The following DACH2 variants were observed in gnomAD, a reference collection of about 807,000 sequenced individuals.
DACH2 encodes the protein dachshund homolog 2.
DACH2 carries 17 observed loss-of-function variants against 35.8 expected under a neutral mutation model. The observed-to-expected ratio is 0.48, with a 90% CI of 0.33 to 0.71. The LOEUF (loss-of-function observed/expected upper bound fraction) is 0.71, where lower values mean the gene tolerates loss of function less well. DACH2 is among the 30% of genes least tolerant of loss of function. The probability of loss-of-function intolerance (pLI) is 0.02; values close to 1 mark genes in which losing one functional copy is unlikely to be tolerated. For missense variants in DACH2, 469 were observed against 472.7 expected (o/e 0.99, Z 0.07); for synonymous variants, 195 against 177.3 (o/e 1.10, Z -0.79).
chrX:86,599,491 T>TTTCTTTCTTTCG (rs1197174994), intron 3 of DACH2, among the ~76,000 whole-genome samples: 37 of 96,485 alleles, frequency 3.8e-4, no homozygotes, highest in African/African-American at 1.3e-3. Flanking sequence ...TCTTTCTTTC[T>TTTCTTTCTTTCG]TTCTTTCTTT....
intron 7 of DACH2, among the ~76,000 whole-genome samples, chrX:86,791,901 G>GCCCC (rs2042190379): frequency 9.0e-6 from 1 of 111,591 alleles, no homozygotes; most frequent in Non-Finnish European, 1.9e-5. Context: ...TTGTGTTATG[G>GCCCC]GGGTTTGTTT....
At chrX:86,706,103 T>C (rs991352988) in intron 5 of DACH2, among the ~76,000 whole-genome samples, 1 of 110,117 alleles carries the variant, frequency 9.1e-6, no homozygotes, top group Non-Finnish European at 1.9e-5. Context: ...GGGAGGAGTG[T>C]GGCGGGGTGG....
chrX:86,401,732 A>C (rs1602481219), intron 2 of DACH2, among the ~76,000 whole-genome samples: 1 of 110,719 alleles, frequency 9.0e-6, no homozygotes, highest in South Asian at 3.8e-4. Context: ...AAAAAAAGAA[A>C]AAAAAAAAAC....
intron 4 of DACH2, among the ~76,000 whole-genome samples, chrX:86,675,514 G>A (rs754767492): frequency 9.0e-5 from 10 of 110,761 alleles, no homozygotes; most frequent in South Asian, 4.0e-4. Flanking sequence ...GCAAGAGATC[G>A]TCCCTAGAAA....
At chrX:86,194,925 T>G (rs1339106867) in intron 1 of DACH2, among the ~76,000 whole-genome samples, 1 of 112,512 alleles carries the variant, frequency 8.9e-6, no homozygotes, top group Non-Finnish European at 1.9e-5. Flanking sequence ...CGGGGCCCCA[T>G]CCTGGCCGTG....
intron 1 of DACH2, among the ~76,000 whole-genome samples, chrX:86,196,642 G>A (rs866548303): frequency 6.2e-5 from 5 of 81,224 alleles, no homozygotes; most frequent in African/African-American, 2.5e-4. Flanking sequence ...GCAGTGAGCC[G>A]AGATCACACC....
chrX:86,393,288 C>T (rs1224803404), intron 2 of DACH2, among the ~76,000 whole-genome samples: 1 of 111,378 alleles, frequency 9.0e-6, no homozygotes, highest in African/African-American at 3.3e-5. Flanking sequence ...ATACCTCAGC[C>T]CTTCATCTTG....
chrX:86,470,808 T>A (rs754307584), intron 2 of DACH2, among the ~76,000 whole-genome samples: 1 of 111,723 alleles, frequency 9.0e-6, no homozygotes, highest in African/African-American at 3.2e-5. Context: ...ACACATTATA[T>A]GTCAAAAACA....
At chrX:86,610,900 C>A (rs2039935477) in intron 3 of DACH2, among the ~76,000 whole-genome samples, 1 of 111,234 alleles carries the variant, frequency 9.0e-6, no homozygotes, top group African/African-American at 3.3e-5. Flanking sequence ...ACTTGGTGCT[C>A]CCCCACCCTG....
chrX:86,679,616 C>CTCTGTGTGTGTGTGTGTG (rs1391639741), intron 4 of DACH2, among the ~76,000 whole-genome samples: 1 of 96,284 alleles, frequency 1.0e-5, no homozygotes, highest in African/African-American at 3.8e-5. Context: ...CTCTCTGTCT[C>CTCTGTGTGTGTGTGTGTG]TGTGTGTGTG....
intron 1 of DACH2, among the ~76,000 whole-genome samples, chrX:86,224,638 C>CA (rs2032784018): frequency 9.0e-6 from 1 of 110,703 alleles, no homozygotes; most frequent in Non-Finnish European, 1.9e-5. Flanking sequence ...GTGTATATCA[C>CA]AAAAACATAA....
chrX:86,312,545 G>T (rs747814496), intron 1 of DACH2, among the ~76,000 whole-genome samples: 58 of 111,642 alleles, frequency 5.2e-4, no homozygotes, highest in African/African-American at 1.6e-3. Context: ...TTGCCCAAAA[G>T]TGATTAATAT....
intron 2 of DACH2, among the ~76,000 whole-genome samples, chrX:86,436,336 C>T (rs1175663776): frequency 9.5e-6 from 1 of 105,125 alleles, no homozygotes; most frequent in Non-Finnish European, 1.9e-5. Context: ...AAACCAGGCA[C>T]ATTTTTTTCT....
At chrX:86,747,053 G>A (rs758605832) in intron 7 of DACH2, among the ~76,000 whole-genome samples, 11 of 111,620 alleles carry the variant, frequency 9.9e-5, no homozygotes, top group East Asian at 5.7e-4. Context: ...AATTATCTGC[G>A]TGTCTATTCT....
At chrX:86,160,860 C>T in intron 1 of DACH2, 1 of 523,570 alleles carries the variant, frequency 1.9e-6, no homozygotes, top group Non-Finnish European at 3.4e-6. Context: ...CTTCACTTGA[C>T]CACCAAGTAC....
chrX:86,396,044 C>T (rs746922147), intron 2 of DACH2, among the ~76,000 whole-genome samples: 179 of 111,496 alleles, frequency 1.6e-3, no homozygotes, highest in African/African-American at 5.4e-3. Context: ...TCCTCTCCAG[C>T]ACCTGTTGTT....
At chrX:86,295,180 T>C (rs1375770510) in intron 1 of DACH2, among the ~76,000 whole-genome samples, 2 of 111,108 alleles carry the variant, frequency 1.8e-5, no homozygotes, top group African/African-American at 6.6e-5. Context: ...GACCCGATTT[T>C]CCAGGTGCCG....
At chrX:86,810,211 A>C (rs1040764595) in intron 7 of DACH2, among the ~76,000 whole-genome samples, 17 of 111,694 alleles carry the variant, frequency 1.5e-4, no homozygotes, top group Non-Finnish European at 2.8e-4. Context: ...GAAGACTTCC[A>C]ACAAATTTAA....
chrX:86,317,654 G>T (rs1300325343), intron 1 of DACH2, among the ~76,000 whole-genome samples: 1 of 112,149 alleles, frequency 8.9e-6, no homozygotes, highest in East Asian at 2.8e-4. Flanking sequence ...TTTGCATAAA[G>T]CACAGCAAGA....
Sources: allele counts gnomAD v4.1 joint callset (sites outside exome capture counted in the v4.1 genomes callset), GRCh38; gene constraint gnomAD v4.1.1; transcripts MANE v1.5; gene names NCBI Gene and HGNC (gene_info 2026-07-23, HGNC 2026-07-21).